The following HMGA2 variants were observed in gnomAD, a reference collection of about 807,000 sequenced individuals.
The protein encoded by HMGA2 is high mobility group AT-hook 2, also known as high mobility group protein HMGI-C.
Under a neutral mutation model 19.1 loss-of-function variants are expected in HMGA2, and 8 were observed. The ratio of observed to expected loss-of-function variants is 0.42; its 90% CI spans 0.25 to 0.76. The LOEUF is 0.76. HMGA2 is among the 30% of genes least tolerant of loss of function. The probability of loss-of-function intolerance (pLI) is 0.28; values close to 1 mark genes in which losing one functional copy is unlikely to be tolerated. For missense variants in HMGA2, 109 were observed against 136.3 expected, an observed-to-expected ratio of 0.80 and a Z score of 1.00; for synonymous variants, 60 against 48.8, an observed-to-expected ratio of 1.23 and a Z score of -0.96.
At position 65,964,817 on chromosome 12, in the gene HMGA2, G is replaced by T. The variant is rs1592471992; in HGVS notation, c.*1525G>T. On this transcript the variant is annotated 3_prime_UTR_variant, in exon 5 of 5. Coordinates refer to ENST00000403681, the MANE Select transcript of HMGA2 (RefSeq NM_003483.6). ...ATTAACTTGAAAATTTTTTAACCAAGTCGCTCCTAGGTTCTTAAGGATAAT... is the reference window on the plus strand; with the variant it reads ...ATTAACTTGAAAATTTTTTAACCAATTCGCTCCTAGGTTCTTAAGGATAAT... 2.6e-5 allele frequency: 5 copies of T among 193,674 alleles called. No homozygotes were observed. In the East Asian group the frequency reaches 4.1e-4, roughly 16 times the overall value. 12.0% of individuals were successfully genotyped at this position (193,674 alleles called of 1,614,324 possible). A position where few individuals can be genotyped will look rare whatever the true frequency, so the allele number is the denominator to read the frequency against.
intron 3 of HMGA2, among the ~76,000 whole-genome samples, chr12:65,913,385 C>T (rs2121219463): frequency 6.6e-6 from 1 of 152,232 alleles, no homozygotes; most frequent in Non-Finnish European, 1.5e-5. Context: ...GCCACTGAGT[C>T]CAATAAGTGC....
intron 3 of HMGA2, among the ~76,000 whole-genome samples, chr12:65,877,941 A>G (rs147825641): frequency 4.0e-4 from 61 of 152,350 alleles, no homozygotes; most frequent in African/African-American, 1.4e-3. Flanking sequence ...CTTTAAGAGC[A>G]GCCAAGCATG....
intron 3 of HMGA2, among the ~76,000 whole-genome samples, chr12:65,855,093 A>G (rs1871663733): frequency 6.6e-6 from 1 of 152,210 alleles, no homozygotes; most frequent in Admixed American, 6.5e-5. Context: ...GAAGGCACAT[A>G]CAACAGGCGT....
chr12:65,899,831 T>C (rs961801648), intron 3 of HMGA2, among the ~76,000 whole-genome samples: 1 of 152,258 alleles, frequency 6.6e-6, no homozygotes, highest in Non-Finnish European at 1.5e-5. Flanking sequence ...CTGATATTTT[T>C]AGTTCCAAAC....
rs60786450 is a variant in HMGA2, at chr12:65,824,713, TTCTCTCTCTCTCTC to T, written c.-515_-502del. On this transcript the variant is annotated 5_prime_UTR_variant, in exon 1 of 5. Transcript: ENST00000403681. Reference sequence around the variant, plus strand: ...CCAAGGCACTTTCAATCTCAATCTCTTCTCTCTCTCTCTCTCTCTCTCTCTCTCTCTCTCTCTCT... The same window carrying T: ...CCAAGGCACTTTCAATCTCAATCTCTTCTCTCTCTCTCTCTCTCTCTCTCT... The T allele has an allele frequency of 0.029, 4,151 of 144,692 alleles. 36 individuals are homozygous for T. Among genetic ancestry groups the T allele is most frequent in the Non-Finnish European group, 0.037 (2,796 of 75,028 alleles). 9.0% of individuals were successfully genotyped at this position (144,692 alleles called of 1,614,324 possible).
intron 4 of HMGA2, 105 bp downstream of exon 4, chr12:65,951,520 G>T: frequency 1.7e-5 from 13 of 779,900 alleles, no homozygotes; most frequent in Non-Finnish European, 2.8e-5. Context: ...TCTTACTTTT[G>T]GTTATCGTCC....
intron 3 of HMGA2, among the ~76,000 whole-genome samples, chr12:65,886,337 C>T (rs909028045): frequency 5.3e-5 from 8 of 151,304 alleles, no homozygotes; most frequent in African/African-American, 1.7e-4. Context: ...GTTTCCTCCT[C>T]GCGGGGAGCT....
At chr12:65,951,243 T>G in intron 3 of HMGA2, 140 bp from the exon 4 acceptor site, 1 of 597,884 alleles carries the variant, frequency 1.7e-6, no homozygotes, top group South Asian at 2.5e-5. Context: ...ATAAACACTT[T>G]TAACATTGGA....
chr12:65,838,647 C>T (rs557589463), intron 3 of HMGA2, 78 bp downstream of exon 3: 52 of 1,025,270 alleles, frequency 5.1e-5, no homozygotes, highest in South Asian at 1.1e-4. Flanking sequence ...AGTTTTATTT[C>T]GTCGATTACA....
intron 3 of HMGA2, among the ~76,000 whole-genome samples, chr12:65,898,077 C>T (rs577205992): frequency 1.9e-4 from 29 of 152,130 alleles, no homozygotes; most frequent in Non-Finnish European, 3.7e-4. Flanking sequence ...CCTTGACTTC[C>T]TGGCTAAGTG....
chr12:65,837,887 C>CT (rs1373766029), intron 2 of HMGA2, among the ~76,000 whole-genome samples: 1 of 151,928 alleles, frequency 6.6e-6, no homozygotes, highest in African/African-American at 2.4e-5. Flanking sequence ...TTTCTGCCTG[C>CT]TTTTTTTTCC....
intron 3 of HMGA2, among the ~76,000 whole-genome samples, chr12:65,930,186 C>T (rs1427356118): frequency 6.6e-6 from 1 of 152,152 alleles, no homozygotes; most frequent in Admixed American, 6.5e-5. Context: ...GTGAGCTAGA[C>T]AGTAGGAAGT....
rs1375652763 is a variant in HMGA2, at chr12:65,965,259, C to G, written c.*1967C>G. ...TAGTTGAATATAAGAAAATGCTTGA[C>G]AAATATTTTCATGTATTTTACACAA... On this transcript the variant is annotated 3_prime_UTR_variant, in exon 5 of 5. Transcript: ENST00000403681. 1 of 202,722 alleles carries G rather than the reference C, an allele frequency of 4.9e-6. No individual in the cohort carries two copies. 12.6% of individuals were successfully genotyped at this position (202,722 alleles called of 1,614,324 possible). A position where few individuals can be genotyped will look rare whatever the true frequency, so the allele number is the denominator to read the frequency against.
At chr12:65,845,254 T>G (rs1871184106) in intron 3 of HMGA2, among the ~76,000 whole-genome samples, 1 of 152,024 alleles carries the variant, frequency 6.6e-6, no homozygotes. Flanking sequence ...TATAAGCGTT[T>G]TTGTTTTTGT....
intron 4 of HMGA2, chr12:65,953,443 A>C (rs1876521140): frequency 6.6e-6 from 1 of 152,232 alleles, no homozygotes; most frequent in Non-Finnish European, 1.5e-5. Context: ...ATTAAGGGAA[A>C]GAAATTACAG....
At chr12:65,846,060 G>A (rs1171495098) in intron 3 of HMGA2, among the ~76,000 whole-genome samples, 1 of 152,216 alleles carries the variant, frequency 6.6e-6, no homozygotes, top group Non-Finnish European at 1.5e-5. Flanking sequence ...GAGGCTGAGA[G>A]TAACAGCCAA....
In HMGA2 at chr12:65,963,410, G is replaced by A; in HGVS notation, c.*118G>A. The stretch of plus-strand genomic sequence containing the variant: ...TCTTTCCACTTTCATCTGGGGTGGG[G>A]TGGGGTGGGGTGGGGGAGGGGGGGG... On this transcript the variant is annotated 3_prime_UTR_variant, in exon 5 of 5. Coordinates refer to ENST00000403681, the MANE Select transcript of HMGA2 (RefSeq NM_003483.6). 2.8e-6 allele frequency: 1 copy of A among 358,444 alleles called. No homozygotes were observed. The highest frequency in any genetic ancestry group is 5.2e-6 in the Non-Finnish European group (1 of 190,746). The allele number at this position is 358,444 out of a possible 1,614,324, so 22.2% of individuals were successfully genotyped here.
chr12:65,924,149 T>C (rs373186720), intron 3 of HMGA2, among the ~76,000 whole-genome samples: 1 of 152,172 alleles, frequency 6.6e-6, no homozygotes, highest in Non-Finnish European at 1.5e-5. Context: ...CCATCTTGTC[T>C]TGGCTTATTC....
intron 3 of HMGA2, chr12:65,914,700 G>T (rs1875003213): frequency 6.7e-6 from 2 of 297,846 alleles, no homozygotes; most frequent in Non-Finnish European, 1.3e-5. Flanking sequence ...TTGAGACGGA[G>T]TCTTGTTTTT....
Sources: gnomAD v4.1 joint callset for allele counts (sites outside exome capture counted in the v4.1 genomes callset) on GRCh38, gnomAD v4.1.1 for gene constraint, MANE v1.5 for transcripts, NCBI Gene and HGNC (gene_info 2026-07-23, HGNC 2026-07-21) for gene names.